The following KIF6 variants were observed in gnomAD, a reference collection of about 807,000 sequenced individuals.
KIF6 encodes the protein kinesin-like protein KIF6.
Under a neutral mutation model 112.7 loss-of-function variants are expected in KIF6, and 106 were observed. That is an observed-to-expected ratio of 0.94 (90% CI 0.80 to 1.11). KIF6 has a LOEUF of 1.11. Ranked by LOEUF, KIF6 falls within the 50% of genes least tolerant of loss-of-function variation. The pLI is 0.00. For missense variants in KIF6, 929 were observed against 964.0 expected, an observed-to-expected ratio of 0.96 and a Z score of 0.48; for synonymous variants, 339 against 339.9, an observed-to-expected ratio of 1.00 and a Z score of 0.03.
chr6:39,719,130 C>A, intron 2 of KIF6, among the ~76,000 whole-genome samples: 1 of 152,114 alleles, frequency 6.6e-6, no homozygotes, highest in Non-Finnish European at 1.5e-5. Context: ...ACCAGCCTGG[C>A]CCACATGGTG....
rs370447161 is a variant in KIF6 at position 39,676,155 on chromosome 6, GATAA to G, written c.252-36402_252-36399del. Reference sequence around the variant, plus strand: ...AGCACAATTAGTTCCAACTGGGATAGATAAATAAAAATAAATCCACATTGAGATG... The same window carrying G: ...AGCACAATTAGTTCCAACTGGGATAGATAAAAATAAATCCACATTGAGATG... On this transcript the variant is annotated intron_variant, in intron 3 of 22. Coordinates refer to ENST00000287152, the MANE Select transcript of KIF6 (RefSeq NM_145027.6). Among the ~76,000 whole-genome samples, 367 of 151,020 alleles carry G rather than the reference GATAA, an allele frequency of 2.4e-3. 3 individuals are homozygous for G. Among genetic ancestry groups the G allele is most frequent in the Middle Eastern group, 6.9e-3 (2 of 290 alleles).
intron 15 of KIF6, among the ~76,000 whole-genome samples, chr6:39,405,110 T>C (rs1473684665): frequency 6.6e-6 from 1 of 152,148 alleles, no homozygotes; most frequent in East Asian, 1.9e-4. Flanking sequence ...TTATAGGAGC[T>C]TTTCTGTAAA....
chr6:39,603,032 C>G (rs535654419), intron 6 of KIF6, among the ~76,000 whole-genome samples: 1 of 152,008 alleles, frequency 6.6e-6, no homozygotes, highest in South Asian at 2.1e-4. Context: ...TTCAAATGTT[C>G]ATAAAAAAAT....
chr6:39,582,875 C>T (rs755986089), intron 9 of KIF6, among the ~76,000 whole-genome samples: 1 of 152,162 alleles, frequency 6.6e-6, no homozygotes, highest in Non-Finnish European at 1.5e-5. Context: ...CTCAGACAAG[C>T]TCTATACATA....
intron 15 of KIF6, among the ~76,000 whole-genome samples, chr6:39,393,627 T>C (rs1768048137): frequency 6.6e-6 from 1 of 152,208 alleles, no homozygotes; most frequent in South Asian, 2.1e-4. Context: ...TGTATGTGTA[T>C]GTGTGTATCT....
chr6:39,601,269 C>T lies in KIF6; in HGVS notation c.640-5009G>A, dbSNP rs111894949. On this transcript the variant is annotated intron_variant, in intron 6 of 22. Transcript: ENST00000287152. The stretch of plus-strand genomic sequence containing the variant: ...ATTTCTTTCCACTTATCTGTATCTC[C>T]CCCAGTAGCCAAATATCCTTTATCT... 3.8e-3 allele frequency among the ~76,000 whole-genome samples: 578 copies of T among 152,166 alleles called. 5 individuals carry two copies. The highest frequency in any genetic ancestry group is 0.013 in the African/African-American group (549 of 41,540).
intron 2 of KIF6, among the ~76,000 whole-genome samples, chr6:39,720,433 G>T (rs1190742272): frequency 6.6e-6 from 1 of 151,974 alleles, no homozygotes; most frequent in Non-Finnish European, 1.5e-5. Context: ...AACAAGAGTG[G>T]GTTGAGTAGG....
intron 3 of KIF6, among the ~76,000 whole-genome samples, chr6:39,647,387 C>T (rs986890183): frequency 2.0e-5 from 3 of 152,096 alleles, no homozygotes; most frequent in African/African-American, 7.2e-5. Context: ...GAGGGGCAGG[C>T]AGGTGTATGG....
At chr6:39,416,857 C>T (rs1361404430) in intron 15 of KIF6, among the ~76,000 whole-genome samples, 1 of 152,076 alleles carries the variant, frequency 6.6e-6, no homozygotes, top group Admixed American at 6.5e-5. Context: ...ACAAATACAG[C>T]TTTTGTTTCT....
intron 13 of KIF6, among the ~76,000 whole-genome samples, chr6:39,431,950 T>C (rs1326331522): frequency 2.7e-5 from 4 of 147,448 alleles, no homozygotes; most frequent in African/African-American, 5.2e-5. Flanking sequence ...GATGCATCTA[T>C]AGAGCCATTT....
intron 13 of KIF6, among the ~76,000 whole-genome samples, chr6:39,508,158 T>A (rs1332294340): frequency 6.6e-6 from 1 of 151,844 alleles, no homozygotes; most frequent in Non-Finnish European, 1.5e-5. Context: ...GTCCATGTGT[T>A]AGCAATGCAT....
rs192551347 is a variant in KIF6 at position 39,569,131 on chromosome 6, A to G, written c.1181+8925T>C. Among the ~76,000 whole-genome samples, 214 of 152,286 alleles carry G rather than the reference A, an allele frequency of 1.4e-3. 1 individual carries two copies. The highest frequency in any genetic ancestry group is 2.6e-3 in the Non-Finnish European group (178 of 68,012). Reference sequence around the variant, plus strand: ...GTGGAGGATGAGTCATGATTTTGAAATGTTTTTAATAGTGGTTTTATAACT... The same window carrying G: ...GTGGAGGATGAGTCATGATTTTGAAGTGTTTTTAATAGTGGTTTTATAACT... On this transcript the variant is annotated intron_variant, in intron 10 of 22. Coordinates refer to ENST00000287152, the MANE Select transcript of KIF6 (RefSeq NM_145027.6).
chr6:39,337,214 T>TCTTTCTTTCTTTCTTTCTTTCTTC (rs1763056653), intron 22 of KIF6, among the ~76,000 whole-genome samples: 1 of 112,308 alleles, frequency 8.9e-6, no homozygotes, highest in Non-Finnish European at 1.6e-5. Flanking sequence ...TTTCTTTCTT[T>TCTTTCTTTCTTTCTTTCTTTCTTC]CTTTCTTTCT....
intron 3 of KIF6, among the ~76,000 whole-genome samples, chr6:39,657,275 C>G (rs1785854671): frequency 6.6e-6 from 1 of 151,636 alleles, no homozygotes; most frequent in African/African-American, 2.4e-5. Flanking sequence ...TTTTATTCTT[C>G]TTGCAGAGAA....
chr6:39,437,497 G>A lies in KIF6; in HGVS notation c.1646-6336C>T, dbSNP rs148360542. 4.2e-3 allele frequency among the ~76,000 whole-genome samples: 641 copies of A among 152,270 alleles called. 22 individuals are homozygous for A. The highest frequency in any genetic ancestry group is 3.3e-3 in the East Asian group (17 of 5,190). Reference sequence around the variant, plus strand: ...TGAAAAAGTGCTTTAGATGCTTAACGTCTTTCCTTCTGGATAGCATATTGT... The same window carrying A: ...TGAAAAAGTGCTTTAGATGCTTAACATCTTTCCTTCTGGATAGCATATTGT... On this transcript the variant is annotated intron_variant, in intron 13 of 22. Coordinates refer to ENST00000287152, the MANE Select transcript of KIF6 (RefSeq NM_145027.6).
At chr6:39,604,512 A>G (rs1353918868) in intron 6 of KIF6, among the ~76,000 whole-genome samples, 1 of 152,126 alleles carries the variant, frequency 6.6e-6, no homozygotes, top group African/African-American at 2.4e-5. Context: ...TAATGATCCT[A>G]AACTTCTCAT....
At chr6:39,445,075 T>C (rs1772219620) in intron 13 of KIF6, among the ~76,000 whole-genome samples, 1 of 152,198 alleles carries the variant, frequency 6.6e-6, no homozygotes, top group Non-Finnish European at 1.5e-5. Context: ...ACTTTTTGGT[T>C]AGAGAACTCT....
At chr6:39,426,176 C>T (rs907341097) in intron 14 of KIF6, among the ~76,000 whole-genome samples, 4 of 152,198 alleles carry the variant, frequency 2.6e-5, no homozygotes, top group African/African-American at 9.7e-5. Flanking sequence ...GGTTTCCAGC[C>T]TCTCTTCATA....
At chr6:39,722,722 G>C (rs1160467121) in intron 1 of KIF6, among the ~76,000 whole-genome samples, 1 of 152,168 alleles carries the variant, frequency 6.6e-6, no homozygotes, top group East Asian at 1.9e-4. Context: ...TTGCGGACAA[G>C]AAGATATGGC....
Sources: gnomAD v4.1 joint callset for allele counts (sites outside exome capture counted in the v4.1 genomes callset) on GRCh38, gnomAD v4.1.1 for gene constraint, MANE v1.5 for transcripts, NCBI Gene and HGNC (gene_info 2026-07-23, HGNC 2026-07-21) for gene names.